ARPC1A: variants seen among roughly 807,000 people sequenced by gnomAD.
The protein encoded by ARPC1A is actin related protein 2/3 complex subunit 1A.
ARPC1A carries 8 observed loss-of-function variants against 46.9 expected under a neutral mutation model. That is an observed-to-expected ratio of 0.17 (90% CI 0.10 to 0.31). The LOEUF is 0.31. Among genes scored for constraint, ARPC1A ranks in the 10% least tolerant of loss-of-function variants. The pLI is 1.00. For synonymous variants in ARPC1A, 152 were observed against 169.0 expected (o/e 0.90, Z 0.78); for missense variants, 286 against 483.6 (o/e 0.59, Z 3.83).
chr7:99,363,623 G>A lies in ARPC1A; in HGVS notation c.1064G>A (p.Trp355Ter). ...GGCATCGATGGAGCCATGACAATTTGGGATTTCAAGGTATTTTCTACCTAA... is the reference window on the plus strand; with the variant it reads ...GGCATCGATGGAGCCATGACAATTTAGGATTTCAAGGTATTTTCTACCTAA... Reference protein sequence around the residue: ...TTGIDGAMTIWDFKTLESSIQ... With the variant: ...TTGIDGAMTI Residue 355 changes from tryptophan to a stop codon, truncating the protein, a stop_gained, in exon 9 of 10, where the codon TGG (tryptophan) becomes TAG (stop). Transcript: ENST00000262942. LOFTEE classifies it high-confidence loss of function. 6.2e-7 allele frequency: 1 copy of A among 1,606,402 alleles called. No homozygotes were observed. Among genetic ancestry groups the A allele is most frequent in the Non-Finnish European group, 8.5e-7 (1 of 1,178,000 alleles).
intron 4 of ARPC1A, among the ~76,000 whole-genome samples, chr7:99,348,574 C>T (rs555361365): frequency 1.7e-4 from 26 of 152,280 alleles, no homozygotes; most frequent in Non-Finnish European, 2.6e-4. Context: ...AGTCTCAGAT[C>T]ATAACCTGGT....
chr7:99,352,681 G>A (rs1793563484), intron 5 of ARPC1A, among the ~76,000 whole-genome samples: 1 of 150,760 alleles, frequency 6.6e-6, no homozygotes, highest in African/African-American at 2.4e-5. Flanking sequence ...GTTGGAGCGG[G>A]GGATCAGGTG....
At chr7:99,335,487 AAG>A in intron 2 of ARPC1A, 1 of 373,996 alleles carries the variant, frequency 2.7e-6, no homozygotes, top group Non-Finnish European at 5.3e-6. Context: ...GCTTGGTGGT[AAG>A]TTTTGAAATC....
chr7:99,344,777 C>T (rs1793414408), intron 4 of ARPC1A, among the ~76,000 whole-genome samples: 1 of 151,542 alleles, frequency 6.6e-6, no homozygotes, highest in Non-Finnish European at 1.5e-5. Flanking sequence ...ACTGTTCTCA[C>T]TCTATACTGC....
intron 5 of ARPC1A, among the ~76,000 whole-genome samples, chr7:99,349,353 G>A (rs1327367932): frequency 6.6e-6 from 1 of 152,040 alleles, no homozygotes; most frequent in Non-Finnish European, 1.5e-5. Context: ...ATGAGCCAGT[G>A]TGCCTGGCCT....
At chr7:99,334,681 A>G (rs1290268494) in intron 2 of ARPC1A, among the ~76,000 whole-genome samples, 1 of 151,142 alleles carries the variant, frequency 6.6e-6, no homozygotes, top group African/African-American at 2.4e-5. Context: ...TTCTGTGTTT[A>G]TTTATTTATT....
At chr7:99,347,057 G>T (rs933446914) in intron 4 of ARPC1A, among the ~76,000 whole-genome samples, 8 of 151,958 alleles carry the variant, frequency 5.3e-5, no homozygotes, top group African/African-American at 1.9e-4. Flanking sequence ...GGGGATTTTG[G>T]TTTTTTATTT....
rs1358505081 is a variant in ARPC1A, at chr7:99,364,260, A to ATC, written c.1074+635_1074+636dup. Among the ~76,000 whole-genome samples the ATC allele has an allele frequency of 1.8e-3, 239 of 134,432 alleles. 5 individuals carry two copies. Among genetic ancestry groups the ATC allele is most frequent in the Middle Eastern group, 0.011 (2 of 182 alleles). 88.2% of individuals were successfully genotyped at this position (134,432 alleles called of 152,430 possible). On this transcript the variant is annotated intron_variant, in intron 9 of 9. Transcript: ENST00000262942. ...GTGAGCCACCATGCCAGCCTTGGAGATCTCTCTCTTTTTTTTTTTTTTTTT... is the reference window on the plus strand; with the variant it reads ...GTGAGCCACCATGCCAGCCTTGGAGATCTCTCTCTCTTTTTTTTTTTTTTTTT...
rs1313798819 is a variant in ARPC1A, at chr7:99,365,803, C to A, written c.1075-88C>A. 2.8e-6 allele frequency: 4 copies of A among 1,404,162 alleles called. No individual in the cohort carries two copies. In the East Asian group the frequency reaches 7.5e-5, roughly 26 times the overall value. 87.0% of individuals were successfully genotyped at this position (1,404,162 alleles called of 1,614,324 possible). A position where few individuals can be genotyped will look rare whatever the true frequency, so the allele number is the denominator to read the frequency against. On this transcript the variant is annotated intron_variant, in intron 9 of 9. Coordinates refer to ENST00000262942, the MANE Select transcript of ARPC1A (RefSeq NM_006409.4). ...AGGTTCAGGGTGGGGACAGGCAGAA[C>A]CTTCCCTGAGGAAGAGGGAGTGGTG... is the stretch of plus-strand genomic sequence containing the variant.
At chr7:99,335,385 A>G in intron 2 of ARPC1A, 1 of 439,226 alleles carries the variant, frequency 2.3e-6, no homozygotes, top group South Asian at 1.6e-5. Context: ...AACTGACTGT[A>G]AAGATGAGAG....
At chr7:99,328,844 A>G (rs1173808535) in intron 1 of ARPC1A, among the ~76,000 whole-genome samples, 1 of 152,058 alleles carries the variant, frequency 6.6e-6, no homozygotes, top group Non-Finnish European at 1.5e-5. Context: ...CCAGCTACTC[A>G]GGAGGCTAAA....
chr7:99,341,890 AAG>A (rs1793363012), intron 3 of ARPC1A, among the ~76,000 whole-genome samples: 3 of 152,246 alleles, frequency 2.0e-5, no homozygotes, highest in Admixed American at 2.0e-4. Context: ...TTTTCTCAGA[AAG>A]ATAGTAATTT....
chr7:99,330,141 C>G (rs1793121864), intron 1 of ARPC1A, among the ~76,000 whole-genome samples: 1 of 151,402 alleles, frequency 6.6e-6, no homozygotes, highest in African/African-American at 2.4e-5. Flanking sequence ...TAAGCTTTTT[C>G]TTTGTTAGTT....
intron 9 of ARPC1A, 25 bp downstream of exon 9, chr7:99,363,658 TTTTG>T (rs769642718): frequency 2.6e-6 from 4 of 1,558,014 alleles, no homozygotes; most frequent in Non-Finnish European, 1.7e-6. Flanking sequence ...ACAGAACAAA[TTTTG>T]TTTGTGTTAA....
At chr7:99,345,778 C>T (rs925851641) in intron 4 of ARPC1A, among the ~76,000 whole-genome samples, 1 of 152,128 alleles carries the variant, frequency 6.6e-6, no homozygotes, top group Non-Finnish European at 1.5e-5. Context: ...CTAAAAATAG[C>T]AGAGTATACA....
At position 99,346,715 on chromosome 7, in the gene ARPC1A, C is replaced by T. The variant is rs147365056; in HGVS notation, c.393-2137C>T. On this transcript the variant is annotated intron_variant, in intron 4 of 9. Coordinates refer to ENST00000262942, the MANE Select transcript of ARPC1A (RefSeq NM_006409.4). ...ATTATAAAGGCCAGGCACGGTAGCT[C>T]ACGCCTGCAATCCCAGCACTTTGCG... Among the ~76,000 whole-genome samples, 1,139 of 152,290 alleles carry T rather than the reference C, an allele frequency of 7.5e-3. 14 individuals are homozygous for T. The highest frequency in any genetic ancestry group is 0.027 in the African/African-American group (1,104 of 41,556).
intron 3 of ARPC1A, 70 bp downstream of exon 3, chr7:99,338,355 C>A: frequency 9.2e-7 from 1 of 1,091,222 alleles, no homozygotes; most frequent in Non-Finnish European, 1.3e-6. Context: ...AGATAAAGAG[C>A]CTAATAAACC....
At chr7:99,363,424 TA>T in intron 8 of ARPC1A, 118 bp from the exon 9 acceptor site, 1 of 776,784 alleles carries the variant, frequency 1.3e-6, no homozygotes, top group Non-Finnish European at 2.1e-6. Flanking sequence ...CAGCTCTATT[TA>T]AAAAATAAAG....
chr7:99,363,861 T>G (rs1414628109), intron 9 of ARPC1A, among the ~76,000 whole-genome samples: 1 of 152,116 alleles, frequency 6.6e-6, no homozygotes, highest in East Asian at 1.9e-4. Flanking sequence ...AAAACTCTTA[T>G]GAGAAGAATG....
Sources: gnomAD v4.1 joint callset for allele counts (sites outside exome capture counted in the v4.1 genomes callset) on GRCh38, gnomAD v4.1.1 for gene constraint, MANE v1.5 for transcripts, NCBI Gene and HGNC (gene_info 2026-07-23, HGNC 2026-07-21) for gene names.